CNTNAP2: variants seen among roughly 807,000 people sequenced by gnomAD.
The protein encoded by CNTNAP2 is contactin associated protein 2, also known as contactin-associated protein-like 2.
A neutral mutation model predicts 155.2 loss-of-function variants in CNTNAP2; 98 were observed. That is an observed-to-expected ratio of 0.63 (90% CI 0.54 to 0.75). The LOEUF is 0.75. Ranked by LOEUF, CNTNAP2 falls within the 30% of genes least tolerant of loss-of-function variation. The probability of loss-of-function intolerance (pLI) is 0.00; values close to 1 mark genes in which losing one functional copy is unlikely to be tolerated. For missense variants in CNTNAP2, 1,727 were observed against 1,688.1 expected (o/e 1.02, Z -0.40); for synonymous variants, 651 against 631.2 (o/e 1.03, Z -0.47).
chr7:146,317,684 G>A (rs1372431465), intron 1 of CNTNAP2, among the ~76,000 whole-genome samples: 1 of 152,154 alleles, frequency 6.6e-6, no homozygotes, highest in Non-Finnish European at 1.5e-5. Flanking sequence ...CTTCTGTATT[G>A]GATCAAAGCA....
intron 1 of CNTNAP2, among the ~76,000 whole-genome samples, chr7:146,424,891 G>T (rs1365877428): frequency 6.6e-6 from 1 of 151,574 alleles, no homozygotes; most frequent in African/African-American, 2.4e-5. Flanking sequence ...TTAAAACACT[G>T]TCAATAAACA....
intron 20 of CNTNAP2, among the ~76,000 whole-genome samples, chr7:148,265,604 A>G (rs1234010963): frequency 6.6e-6 from 1 of 152,192 alleles, no homozygotes; most frequent in Non-Finnish European, 1.5e-5. Flanking sequence ...TTGACGTTAT[A>G]GAAAACTTTT....
intron 18 of CNTNAP2, among the ~76,000 whole-genome samples, chr7:148,202,380 C>T (rs543252717): frequency 6.6e-6 from 1 of 152,144 alleles, no homozygotes; most frequent in Admixed American, 6.5e-5. Flanking sequence ...TGTGTACATC[C>T]ATACTTTCTG....
chr7:146,986,819 T>G (rs1798122332), intron 3 of CNTNAP2, among the ~76,000 whole-genome samples: 1 of 152,138 alleles, frequency 6.6e-6, no homozygotes, highest in African/African-American at 2.4e-5. Context: ...CCTTTGAGAA[T>G]TGTTTATTGA....
At chr7:146,777,051 C>T (rs1181593405) in intron 2 of CNTNAP2, among the ~76,000 whole-genome samples, 6 of 152,128 alleles carry the variant, frequency 3.9e-5, no homozygotes, top group South Asian at 2.1e-4. Flanking sequence ...ACAGATGTTT[C>T]AAAAGCAAAA....
intron 10 of CNTNAP2, among the ~76,000 whole-genome samples, chr7:147,465,271 C>A (rs1229633360): frequency 1.3e-5 from 2 of 152,062 alleles, no homozygotes; most frequent in Non-Finnish European, 2.9e-5. Flanking sequence ...CACAATATAC[C>A]CATGTAACAA....
At chr7:147,744,470 G>A (rs948593853) in intron 13 of CNTNAP2, among the ~76,000 whole-genome samples, 11 of 152,098 alleles carry the variant, frequency 7.2e-5, no homozygotes, top group East Asian at 1.9e-4. Flanking sequence ...AATATGTAGC[G>A]CTCTCCTTCA....
rs554556667 is a variant in CNTNAP2, at chr7:147,424,918, C to G, written c.1670+29138C>G. ...GGAATGGCTCTACCCTCAATTTATA[C>G]CCAGAATCCAGTCATTTATCTTCAT... On this transcript the variant is annotated intron_variant, in intron 10 of 23. Coordinates refer to ENST00000361727, the MANE Select transcript of CNTNAP2 (RefSeq NM_014141.6). Among the ~76,000 whole-genome samples, 3 of 152,190 alleles carry G rather than the reference C, an allele frequency of 2.0e-5. No homozygotes were observed. In the South Asian group the frequency reaches 6.2e-4, roughly 32 times the overall value.
intron 1 of CNTNAP2, among the ~76,000 whole-genome samples, chr7:146,216,481 T>C (rs1799114975): frequency 6.6e-6 from 1 of 152,196 alleles, no homozygotes; most frequent in Non-Finnish European, 1.5e-5. Flanking sequence ...CAGCACACCC[T>C]GTTCCTTTTT....
At chr7:148,127,928 G>A (rs573447606) in intron 16 of CNTNAP2, among the ~76,000 whole-genome samples, 35 of 152,272 alleles carry the variant, frequency 2.3e-4, no homozygotes, top group Admixed American at 1.8e-3. Context: ...GGAGTGCAGT[G>A]GTGCAATCTT....
At chr7:146,452,991 G>A (rs1312266162) in intron 1 of CNTNAP2, among the ~76,000 whole-genome samples, 2 of 152,232 alleles carry the variant, frequency 1.3e-5, no homozygotes, top group Non-Finnish European at 2.9e-5. Context: ...GCTACTGTGT[G>A]GAAAGAATGA....
intron 1 of CNTNAP2, among the ~76,000 whole-genome samples, chr7:146,272,242 C>A (rs1800094029): frequency 6.6e-6 from 1 of 151,994 alleles, no homozygotes; most frequent in Non-Finnish European, 1.5e-5. Flanking sequence ...GGAAAATCTC[C>A]CTATAAAACT....
chr7:146,134,007 T>C (rs1584765456), intron 1 of CNTNAP2, among the ~76,000 whole-genome samples: 1 of 149,756 alleles, frequency 6.7e-6, no homozygotes, highest in Non-Finnish European at 1.5e-5. Context: ...CCTTGGGCAG[T>C]ATGGCCATTT....
chr7:147,763,524 T>G (rs1391232634), intron 13 of CNTNAP2, among the ~76,000 whole-genome samples: 2 of 151,578 alleles, frequency 1.3e-5, no homozygotes, highest in African/African-American at 2.4e-5. Flanking sequence ...AAAAGAAGAC[T>G]AAAGGTAGAA....
intron 1 of CNTNAP2, among the ~76,000 whole-genome samples, chr7:146,273,927 G>A (rs968578333): frequency 1.3e-5 from 2 of 151,968 alleles, no homozygotes; most frequent in Admixed American, 6.6e-5. Context: ...TAAGGAAATG[G>A]TCATTTGCAA....
intron 9 of CNTNAP2, among the ~76,000 whole-genome samples, chr7:147,375,539 G>T (rs756078610): frequency 6.6e-6 from 1 of 151,954 alleles, no homozygotes; most frequent in Non-Finnish European, 1.5e-5. Context: ...TGGCTGCCTT[G>T]AGTGGTGTAG....
intron 11 of CNTNAP2, among the ~76,000 whole-genome samples, chr7:147,535,362 A>C (rs1799521059): frequency 6.6e-6 from 1 of 152,192 alleles, no homozygotes. Flanking sequence ...ACTGCACTGC[A>C]GCCTGAGCGA....
intron 15 of CNTNAP2, chr7:148,044,801 G>A (rs536976301): frequency 6.6e-6 from 1 of 152,368 alleles, no homozygotes; most frequent in African/African-American, 2.4e-5. Flanking sequence ...TGTCTGCTCT[G>A]TGTCTAGTGT....
chr7:146,351,683 T>A (rs1387833527), intron 1 of CNTNAP2, among the ~76,000 whole-genome samples: 3 of 152,222 alleles, frequency 2.0e-5, no homozygotes, highest in Non-Finnish European at 4.4e-5. Flanking sequence ...AGTTCCTGTT[T>A]ATTGTTTTAA....
Sources: gnomAD v4.1 joint callset for allele counts (sites outside exome capture counted in the v4.1 genomes callset) on GRCh38, gnomAD v4.1.1 for gene constraint, MANE v1.5 for transcripts, NCBI Gene and HGNC (gene_info 2026-07-23, HGNC 2026-07-21) for gene names.